The following WDR89 variants were observed in gnomAD, a reference collection of about 807,000 sequenced individuals.
WDR89 encodes the protein WD repeat domain 89.
WDR89 carries 17 observed loss-of-function variants against 29.1 expected under a neutral mutation model. The observed-to-expected ratio is 0.58, with a 90% confidence interval of 0.40 to 0.88. The LOEUF (loss-of-function observed/expected upper bound fraction) is 0.88, where lower values mean the gene tolerates loss of function less well. Among genes scored for constraint, WDR89 ranks in the 40% least tolerant of loss-of-function variants. The pLI, the probability that WDR89 is intolerant of heterozygous loss-of-function variation, is 0.00. For synonymous variants in WDR89, 138 were observed against 157.8 expected (o/e 0.87, Z 0.94); for missense variants, 396 against 456.3 (o/e 0.87, Z 1.20).
At chr14:63,608,035 A>G (rs1213138562) in intron 2 of WDR89, among the ~76,000 whole-genome samples, 2 of 151,624 alleles carry the variant, frequency 1.3e-5, no homozygotes, top group African/African-American at 4.8e-5. Flanking sequence ...GTGAAACCCC[A>G]TCTCTACTAA....
intron 1 of WDR89, among the ~76,000 whole-genome samples, chr14:63,637,421 C>A (rs1883805810): frequency 6.6e-6 from 1 of 152,162 alleles, no homozygotes. Flanking sequence ...GGGTTATCTA[C>A]CCAGAGGAAA....
At chr14:63,615,348 A>T (rs886497868) in intron 2 of WDR89, among the ~76,000 whole-genome samples, 7 of 152,270 alleles carry the variant, frequency 4.6e-5, no homozygotes, top group African/African-American at 1.7e-4. Context: ...AATTTGGAAC[A>T]GTTAGAAGCA....
chr14:63,614,383 C>T (rs781527891), intron 2 of WDR89, among the ~76,000 whole-genome samples: 2 of 151,346 alleles, frequency 1.3e-5, no homozygotes, highest in African/African-American at 2.4e-5. Flanking sequence ...TCACAGCTCA[C>T]GGCAGCCTTG....
At chr14:63,628,222 G>C (rs761652663) in intron 1 of WDR89, among the ~76,000 whole-genome samples, 6 of 152,204 alleles carry the variant, frequency 3.9e-5, no homozygotes, top group Non-Finnish European at 8.8e-5. Context: ...CCAGGCAACA[G>C]AGCAAGACCT....
chr14:63,641,604 C>A (rs1415784035), intron 1 of WDR89, among the ~76,000 whole-genome samples, 200 bp downstream of exon 1: 1 of 152,270 alleles, frequency 6.6e-6, no homozygotes, highest in East Asian at 1.9e-4. Flanking sequence ...CCAGGGCCAG[C>A]ACAGGTTTGA....
At chr14:63,618,639 G>A (rs564411425) in intron 2 of WDR89, among the ~76,000 whole-genome samples, 23 of 151,990 alleles carry the variant, frequency 1.5e-4, no homozygotes, top group Non-Finnish European at 2.8e-4. Flanking sequence ...ATCAATCTAA[G>A]TCAAACATCC....
rs182104136 is a variant in WDR89 at position 63,634,916 on chromosome 14, T to C, written c.-138+6888A>G. On this transcript the variant is annotated intron_variant, in intron 1 of 2. Transcript: ENST00000620954. ...AGCTGGGCATGGTGGTGCGTGCCTG[T>C]AGTCCCAGCTACTTCGAAGGCTGAG... Among the ~76,000 whole-genome samples the C allele has an allele frequency of 4.1e-3, 618 of 149,806 alleles. 7 individuals carry two copies. Among genetic ancestry groups the C allele is most frequent in the African/African-American group, 0.014 (566 of 40,466 alleles).
In WDR89 at chr14:63,598,895, G is replaced by C; in HGVS notation, c.1048C>G (p.Pro350Ala). The C allele has an allele frequency of 6.2e-7, 1 of 1,614,126 alleles. No homozygotes were observed. The highest frequency in any genetic ancestry group is 8.5e-7 in the Non-Finnish European group (1 of 1,180,012). ...GEDAQLLLWK[P>A]GAIEKTFTKK... ...GTAAAGGTCTTCTCTATAGCTCCAGGTTTCCAAAGTAACAACTGTGCATCT... is the reference window on the plus strand; with the variant it reads ...GTAAAGGTCTTCTCTATAGCTCCAGCTTTCCAAAGTAACAACTGTGCATCT... Residue 350 changes from proline to alanine, a missense_variant, in exon 3 of 3, where the codon CCT (proline) becomes GCT (alanine). Pro to Ala is a conservative substitution (Grantham distance 27). Coordinates refer to ENST00000620954, the MANE Select transcript of WDR89 (RefSeq NM_080666.4).
chr14:63,636,133 C>T (rs535419445), intron 1 of WDR89, among the ~76,000 whole-genome samples: 8 of 151,976 alleles, frequency 5.3e-5, no homozygotes, highest in Non-Finnish European at 5.9e-5. Flanking sequence ...TGCTCAAACT[C>T]GGGAGGTGGA....
chr14:63,609,990 T>C (rs1052486123), intron 2 of WDR89, among the ~76,000 whole-genome samples: 4 of 151,494 alleles, frequency 2.6e-5, no homozygotes, highest in African/African-American at 9.7e-5. Flanking sequence ...AAGAAGAGTT[T>C]AAAAGGAAAA....
chr14:63,627,144 ACACACACTCTCTCT>A (rs1292549169), intron 1 of WDR89, among the ~76,000 whole-genome samples: 2 of 131,466 alleles, frequency 1.5e-5, no homozygotes, highest in African/African-American at 6.3e-5. Flanking sequence ...ACACACACAC[ACACACACTCTCTCT>A]CTCTCTCTCT....
At chr14:63,604,074 G>A (rs965520271) in intron 2 of WDR89, among the ~76,000 whole-genome samples, 22 of 152,132 alleles carry the variant, frequency 1.4e-4, no homozygotes, top group African/African-American at 3.9e-4. Context: ...GCCAATCAAC[G>A]TGAAAAAGCC....
intron 1 of WDR89, among the ~76,000 whole-genome samples, chr14:63,634,825 G>A (rs996083801): frequency 6.8e-6 from 1 of 147,130 alleles, no homozygotes; most frequent in African/African-American, 2.5e-5. Context: ...AGCCAAGATC[G>A]CACCATTGCA....
At chr14:63,618,612 A>C (rs1882468385) in intron 2 of WDR89, among the ~76,000 whole-genome samples, 1 of 152,198 alleles carries the variant, frequency 6.6e-6, no homozygotes. Flanking sequence ...GAAAGAATGA[A>C]ATCAGAGGAT....
chr14:63,627,736 TA>T (rs1473920661), intron 1 of WDR89, among the ~76,000 whole-genome samples: 1 of 152,114 alleles, frequency 6.6e-6, no homozygotes, highest in African/African-American at 2.4e-5. Context: ...TTCAGTGTCT[TA>T]AAAGCTCATT....
intron 2 of WDR89, among the ~76,000 whole-genome samples, chr14:63,603,007 C>T (rs562757354): frequency 6.6e-5 from 10 of 152,104 alleles, no homozygotes; most frequent in Non-Finnish European, 1.3e-4. Context: ...CCGCCTGCCT[C>T]GGCCTCCCAA....
intron 2 of WDR89, among the ~76,000 whole-genome samples, chr14:63,609,305 CT>C (rs1881800385): frequency 6.6e-6 from 1 of 152,080 alleles, no homozygotes; most frequent in Non-Finnish European, 1.5e-5. Flanking sequence ...AGCTACGATT[CT>C]TACAGCTGTT....
rs1216848834 is a variant in WDR89, at chr14:63,627,148, A to ACTCT, written c.-137-2116_-137-2115insAGAG. On this transcript the variant is annotated intron_variant, in intron 1 of 2. Transcript: ENST00000620954. ...AACACACACACACACACACACACAC[A>ACTCT]CACTCTCTCTCTCTCTCTCTCTCTC... Among the ~76,000 whole-genome samples, 730 of 128,316 alleles carry ACTCT rather than the reference A, an allele frequency of 5.7e-3. 3 individuals carry two copies. Among genetic ancestry groups the ACTCT allele is most frequent in the African/African-American group, 0.02 (641 of 32,830 alleles). The allele number at this position is 128,316 out of a possible 152,430, so 84.2% of individuals were successfully genotyped here. A position where few individuals can be genotyped will look rare whatever the true frequency, so the allele number is the denominator to read the frequency against.
Position 63,598,674 on chromosome 14 carries a change from C to T in WDR89, c.*105G>A. On this transcript the variant is annotated 3_prime_UTR_variant, in exon 3 of 3. Transcript: ENST00000620954. ...ATATTTTTCCAGGACTGTTTGCTAACTGGCTTGTTTTTACATAAAGCTTTA... is the reference window on the plus strand; with the variant it reads ...ATATTTTTCCAGGACTGTTTGCTAATTGGCTTGTTTTTACATAAAGCTTTA... 9.6e-7 allele frequency: 1 copy of T among 1,041,438 alleles called. No individual in the cohort carries two copies. Among genetic ancestry groups the T allele is most frequent in the Non-Finnish European group, 1.3e-6 (1 of 768,610 alleles). The allele number at this position is 1,041,438 out of a possible 1,614,324, so 64.5% of individuals were successfully genotyped here. A position where few individuals can be genotyped will look rare whatever the true frequency, so the allele number is the denominator to read the frequency against.
Sources: allele counts gnomAD v4.1 joint callset (sites outside exome capture counted in the v4.1 genomes callset), GRCh38; gene constraint gnomAD v4.1.1; transcripts MANE v1.5; gene names NCBI Gene and HGNC (gene_info 2026-07-23, HGNC 2026-07-21).